Variants in POU2F1 observed in about 807,000 individuals in gnomAD.
POU2F1 encodes the protein POU class 2 homeobox 1.
POU2F1 carries 16 observed loss-of-function variants against 84.9 expected under a neutral mutation model. The observed-to-expected ratio is 0.19, with a 90% CI of 0.13 to 0.29. The LOEUF (loss-of-function observed/expected upper bound fraction) is 0.29, where lower values mean the gene tolerates loss of function less well. Among genes scored for constraint, POU2F1 ranks in the 10% least tolerant of loss-of-function variants. POU2F1 has a pLI of 1.00. For missense variants in POU2F1, 738 were observed against 942.6 expected (o/e 0.78, Z 2.84); for synonymous variants, 368 against 368.3 (o/e 1.00, Z 0.01).
intron 1 of POU2F1, among the ~76,000 whole-genome samples, chr1:167,293,469 A>C (rs1422328661): frequency 1.3e-5 from 2 of 152,264 alleles, no homozygotes; most frequent in African/African-American, 4.8e-5. Flanking sequence ...TGCTGAAAGA[A>C]GTCATAGATA....
rs1158947050 is a variant in POU2F1 at position 167,387,523 on chromosome 1, G to A, written c.814-2065G>A. Among the ~76,000 whole-genome samples the A allele has an allele frequency of 7.9e-5, 12 of 152,298 alleles. No homozygotes were observed. The South Asian group carries it at 1.9e-3, about 24-fold the overall frequency. ...AGAGAGGAACTTAACTCCAGTTGTC[G>A]CCTGTGTAATGCTTATTCTGTAGTT... On this transcript the variant is annotated intron_variant, in intron 8 of 15. Transcript: ENST00000367866.
chr1:167,324,377 A>G (rs756144023), intron 1 of POU2F1, among the ~76,000 whole-genome samples: 7 of 148,810 alleles, frequency 4.7e-5, no homozygotes, highest in Non-Finnish European at 8.8e-5. Flanking sequence ...CTATACATAT[A>G]TGTACAATGT....
intron 1 of POU2F1, among the ~76,000 whole-genome samples, chr1:167,226,910 A>G (rs1246257300): frequency 6.6e-6 from 1 of 151,908 alleles, no homozygotes; most frequent in African/African-American, 2.4e-5. Context: ...GAATCAGCAA[A>G]CCTCTAGATT....
intron 2 of POU2F1, among the ~76,000 whole-genome samples, chr1:167,340,034 G>A (rs1010523728): frequency 6.6e-6 from 1 of 152,162 alleles, no homozygotes; most frequent in Admixed American, 6.5e-5. Flanking sequence ...GCTCAGAGAG[G>A]TTCAGTCACT....
Position 167,388,503 on chromosome 1 carries a change from C to T in POU2F1, c.814-1085C>T, listed in dbSNP as rs983103624. Among the ~76,000 whole-genome samples, 3 of 152,106 alleles carry T rather than the reference C, an allele frequency of 2.0e-5. No homozygotes were observed. In the East Asian group the frequency reaches 5.8e-4, roughly 29 times the overall value. On this transcript the variant is annotated intron_variant, in intron 8 of 15. Coordinates refer to ENST00000367866, the MANE Select transcript of POU2F1 (RefSeq NM_002697.4). ...TGCATAAAGTTTTTCATTGTGTTAT[C>T]TATGTTAGTGAAAACATAAAAACTG...
At chr1:167,360,697 T>C (rs1557925707) in intron 2 of POU2F1, among the ~76,000 whole-genome samples, 1 of 152,154 alleles carries the variant, frequency 6.6e-6, no homozygotes, top group Non-Finnish European at 1.5e-5. Context: ...TCTATATGAA[T>C]TTTAGAATAG....
At chr1:167,357,342 C>A (rs1232595987) in intron 2 of POU2F1, 2 of 47,084 alleles carry the variant, frequency 4.2e-5, no homozygotes, top group African/African-American at 9.4e-5. Flanking sequence ...CCAAGATTGC[C>A]CCCCCTCCCC....
rs756900983 is a variant in POU2F1, at chr1:167,370,226, C to G, written c.282+12C>G. The G allele has an allele frequency of 1.3e-6, 2 of 1,585,274 alleles. No homozygotes were observed. Among genetic ancestry groups the G allele is most frequent in the Non-Finnish European group, 8.6e-7 (1 of 1,161,510 alleles). Reference sequence around the variant, plus strand: ...CTTTAAATGTACAGGTAAGCTGGGACCTGGGATTATGGGTCAATCTTTTAT... The same window carrying G: ...CTTTAAATGTACAGGTAAGCTGGGAGCTGGGATTATGGGTCAATCTTTTAT... On this transcript the variant is annotated intron_variant, in intron 4 of 15. Coordinates refer to ENST00000367866, the MANE Select transcript of POU2F1 (RefSeq NM_002697.4).
chr1:167,221,276 C>A (rs369361042), intron 1 of POU2F1, among the ~76,000 whole-genome samples: 2 of 151,288 alleles, frequency 1.3e-5, no homozygotes, highest in African/African-American at 4.8e-5. Context: ...GCCGCCGCTG[C>A]CGCCTCCTCG....
At chr1:167,244,618 C>G (rs1339059012) in intron 1 of POU2F1, among the ~76,000 whole-genome samples, 2 of 152,176 alleles carry the variant, frequency 1.3e-5, no homozygotes, top group Non-Finnish European at 2.9e-5. Context: ...ACCCCACACT[C>G]AAGGGGAAGG....
At chr1:167,266,047 A>G (rs1261063246) in intron 1 of POU2F1, among the ~76,000 whole-genome samples, 4 of 152,244 alleles carry the variant, frequency 2.6e-5, no homozygotes, top group Non-Finnish European at 5.9e-5. Flanking sequence ...ACACACTTGC[A>G]TGCTTATGCA....
intron 2 of POU2F1, among the ~76,000 whole-genome samples, chr1:167,336,638 T>C (rs1425332329): frequency 6.6e-6 from 1 of 152,044 alleles, no homozygotes; most frequent in African/African-American, 2.4e-5. Context: ...AGGACGATTA[T>C]TTAAAAAAAA....
At chr1:167,374,501 T>C (rs1660201796) in intron 6 of POU2F1, among the ~76,000 whole-genome samples, 1 of 152,270 alleles carries the variant, frequency 6.6e-6, no homozygotes, top group Admixed American at 6.5e-5. Flanking sequence ...TGTAAACATA[T>C]AGCTGATTAT....
chr1:167,305,137 TA>T (rs1439243336), intron 1 of POU2F1, among the ~76,000 whole-genome samples: 1 of 152,040 alleles, frequency 6.6e-6, no homozygotes, highest in African/African-American at 2.4e-5. Flanking sequence ...CTCATTAAAT[TA>T]CTACCACCAC....
chr1:167,358,998 T>TA (rs1293070617), intron 2 of POU2F1, among the ~76,000 whole-genome samples: 1 of 152,058 alleles, frequency 6.6e-6, no homozygotes, highest in African/African-American at 2.4e-5. Context: ...GTGTTTCTAT[T>TA]ATGTGGAAGT....
At chr1:167,261,414 G>A (rs1410744070) in intron 1 of POU2F1, among the ~76,000 whole-genome samples, 3 of 152,184 alleles carry the variant, frequency 2.0e-5, no homozygotes, top group African/African-American at 4.8e-5. Context: ...GGGCCAGTGA[G>A]CATGAACGGT....
chr1:167,381,283 C>CTAAACCCAT lies in POU2F1; in HGVS notation c.719-2574_719-2573insTAAACCCAT, dbSNP rs1276982378. 7.8e-4 allele frequency among the ~76,000 whole-genome samples: 118 copies of CTAAACCCAT among 152,234 alleles called. 1 individual carries two copies. The highest frequency in any genetic ancestry group is 2.8e-3 in the African/African-American group (117 of 41,544). ...TATTTTTAGTAGAGACTGGGTTTCA[C>CTAAACCCAT]CGTGTTAGCCAGGATGGTCTCGATT... On this transcript the variant is annotated intron_variant, in intron 7 of 15. Coordinates refer to ENST00000367866, the MANE Select transcript of POU2F1 (RefSeq NM_002697.4).
At chr1:167,221,019 C>A in intron 1 of POU2F1, 61 bp downstream of exon 1, 1 of 1,377,684 alleles carries the variant, frequency 7.3e-7, no homozygotes, top group Non-Finnish European at 1.0e-6. Flanking sequence ...CCGCTGCCCC[C>A]CCCCGCGACT....
At chr1:167,365,603 AAGAT>A (rs756976652) in intron 3 of POU2F1, 36 bp downstream of exon 3, 4 of 1,482,030 alleles carry the variant, frequency 2.7e-6, no homozygotes, top group East Asian at 2.4e-5. Context: ...GTGAGAGTGA[AAGAT>A]AGAGGCGTAA....
Sources: allele counts gnomAD v4.1 joint callset (sites outside exome capture counted in the v4.1 genomes callset), GRCh38; gene constraint gnomAD v4.1.1; transcripts MANE v1.5; gene names NCBI Gene and HGNC (gene_info 2026-07-23, HGNC 2026-07-21).